SYT7: variants seen among roughly 807,000 people sequenced by gnomAD.
SYT7 encodes synaptotagmin 7, also known as synaptotagmin-7.
SYT7 carries 29 observed loss-of-function variants against 75.1 expected under a neutral mutation model. The ratio of observed to expected loss-of-function variants is 0.39; its 90% confidence interval spans 0.29 to 0.53. SYT7 has a LOEUF of 0.53. Ranked by LOEUF, SYT7 falls within the 20% of genes least tolerant of loss-of-function variation. SYT7 has a pLI of 0.77. For synonymous variants in SYT7, 376 were observed against 401.7 expected (o/e 0.94, Z 0.76); for missense variants, 693 against 953.2 (o/e 0.73, Z 3.59).
chr11:61,576,748 G>C lies in SYT7; in HGVS notation c.31+4042C>G, dbSNP rs1324232731. 1.3e-5 allele frequency among the ~76,000 whole-genome samples: 2 copies of C among 152,058 alleles called. No homozygotes were observed. The highest frequency in any genetic ancestry group is 6.5e-5 in the Admixed American group (1 of 15,270). ...ATGGGGGGACTCAGGAGGGGCAGGA[G>C]GGGGAGGGAACCATATACGGCTCCT... On this transcript the variant is annotated intron_variant, in intron 1 of 12. Transcript: ENST00000539008. This position sits in a 1 kb window ranked among gnomAD's most constrained non-coding sequence, Gnocchi z 4.1.
At chr11:61,566,648 G>A (rs2063776860) in intron 1 of SYT7, among the ~76,000 whole-genome samples, 1 of 152,208 alleles carries the variant, frequency 6.6e-6, no homozygotes, top group Non-Finnish European at 1.5e-5. Context: ...AGAATGGGGA[G>A]GGGGCTCTTC....
rs1590802544 is a variant in SYT7, at chr11:61,516,449, G to A, written c.*2178C>T. 2.0e-5 allele frequency: 3 copies of A among 152,316 alleles called. No individual in the cohort carries two copies. The highest frequency in any genetic ancestry group is 2.1e-4 in the South Asian group (1 of 4,824). The allele number at this position is 152,316 out of a possible 1,614,324, so 9.4% of individuals were successfully genotyped here. A position where few individuals can be genotyped will look rare whatever the true frequency, so the allele number is the denominator to read the frequency against. On this transcript the variant is annotated 3_prime_UTR_variant, in exon 13 of 13. Transcript: ENST00000539008. The surrounding 1 kb of genome is among the most constrained non-coding windows in gnomAD (Gnocchi z 4.6). Reference sequence around the variant, plus strand: ...CCGCCCACTCGATACAAGTTGGTTGGATCCCCAGGGCGAAGGCGCCTGGAA... The same window carrying A: ...CCGCCCACTCGATACAAGTTGGTTGAATCCCCAGGGCGAAGGCGCCTGGAA...
chr11:61,536,519 C>T (rs2062874941), intron 7 of SYT7, among the ~76,000 whole-genome samples: 1 of 152,188 alleles, frequency 6.6e-6, no homozygotes, highest in Non-Finnish European at 1.5e-5. Context: ...CCCTGCAGCC[C>T]AGCCTTGAGA....
chr11:61,521,593 T>C (rs1421548155), intron 12 of SYT7, among the ~76,000 whole-genome samples: 1 of 152,212 alleles, frequency 6.6e-6, no homozygotes, highest in Non-Finnish European at 1.5e-5. Context: ...TCTCCTCTTT[T>C]AGGCCAGGCT....
At chr11:61,538,017 C>A in intron 7 of SYT7, 127 bp downstream of exon 7, 1 of 1,384,132 alleles carries the variant, frequency 7.2e-7, no homozygotes, top group Non-Finnish European at 9.7e-7. Flanking sequence ...GGGGGCTTGT[C>A]CTTCCGCTCC....
In SYT7 at chr11:61,517,629, A is replaced by G; in HGVS notation, c.*998T>C. 1 of 398,828 alleles carries G rather than the reference A, an allele frequency of 2.5e-6. No individual in the cohort carries two copies. Among genetic ancestry groups the G allele is most frequent in the South Asian group, 1.3e-4 (1 of 7,884 alleles). The allele number at this position is 398,828 out of a possible 1,614,324, so 24.7% of individuals were successfully genotyped here. A position where few individuals can be genotyped will look rare whatever the true frequency, so the allele number is the denominator to read the frequency against. On this transcript the variant is annotated 3_prime_UTR_variant, in exon 13 of 13. Coordinates refer to ENST00000539008, the MANE Select transcript of SYT7 (RefSeq NM_001365809.2). ...AATAGGGCAGATGTGGCTGCGTATG[A>G]GGTGTGGGAAGCTGGCGGGGGGTCT...
chr11:61,567,614 C>T (rs1195428366), intron 1 of SYT7, among the ~76,000 whole-genome samples: 2 of 152,228 alleles, frequency 1.3e-5, no homozygotes, highest in African/African-American at 4.8e-5. Flanking sequence ...GCTGAAGACC[C>T]CAGTCCTGAC....
At chr11:61,550,982 G>T (rs2063331353) in intron 3 of SYT7, among the ~76,000 whole-genome samples, 1 of 152,186 alleles carries the variant, frequency 6.6e-6, no homozygotes, top group Non-Finnish European at 1.5e-5. Flanking sequence ...AAAAGAAGCT[G>T]GGGCCCACTA....
At chr11:61,578,749 C>A (rs567146962) in intron 1 of SYT7, among the ~76,000 whole-genome samples, 17 of 152,322 alleles carry the variant, frequency 1.1e-4, no homozygotes, top group African/African-American at 3.8e-4. Context: ...CCCTCTCCAG[C>A]CTATGTCTGA....
At chr11:61,555,316 C>T (rs377288794) in intron 2 of SYT7, among the ~76,000 whole-genome samples, 1,934 of 152,364 alleles carry the variant, frequency 0.013, 21 homozygotes, top group South Asian at 0.024. Flanking sequence ...CCCCTCGCCC[C>T]CTGCTGCCCC....
chr11:61,534,529 G>A (rs975601839), intron 7 of SYT7, among the ~76,000 whole-genome samples: 2 of 152,136 alleles, frequency 1.3e-5, no homozygotes, highest in African/African-American at 4.8e-5. Context: ...GAGGATGGCA[G>A]AGGCCACAGT....
intron 1 of SYT7, among the ~76,000 whole-genome samples, chr11:61,570,286 C>T (rs1312826333): frequency 6.6e-6 from 1 of 152,142 alleles, no homozygotes; most frequent in Non-Finnish European, 1.5e-5. Context: ...GATCAAAGCC[C>T]TCTGGAGTGT....
chr11:61,536,191 C>T (rs529804461), intron 7 of SYT7, among the ~76,000 whole-genome samples: 17 of 152,210 alleles, frequency 1.1e-4, no homozygotes, highest in East Asian at 5.8e-4. Context: ...CGAGGGCACG[C>T]GGCCTCCACC....
intron 2 of SYT7, among the ~76,000 whole-genome samples, chr11:61,555,201 C>T (rs760692264): frequency 5.3e-5 from 8 of 152,236 alleles, no homozygotes; most frequent in Non-Finnish European, 1.0e-4. Context: ...CTCCCACTCC[C>T]ACCATTCTCG....
intron 1 of SYT7, among the ~76,000 whole-genome samples, chr11:61,572,795 G>A (rs2063957724): frequency 6.6e-6 from 1 of 152,138 alleles, no homozygotes; most frequent in African/African-American, 2.4e-5. Context: ...CCTGGCGTCA[G>A]GGCCCTTGGC....
rs746148669 is a variant in SYT7, at chr11:61,542,310, T to G, written c.842A>C (p.Lys281Thr). 3.6e-5 allele frequency: 55 copies of G among 1,533,428 alleles called. No individual in the cohort carries two copies. The South Asian group carries it at 6.3e-4, about 18-fold the overall frequency. 95.0% of individuals were successfully genotyped at this position (1,533,428 alleles called of 1,614,324 possible). Reference sequence around the variant, plus strand: ...GCTGCGGCCCCCTGCCGCCCGGTACTTGGAGCCGGCCGAGGTGCCCTGCCG... The same window carrying G: ...GCTGCGGCCCCCTGCCGCCCGGTACGTGGAGCCGGCCGAGGTGCCCTGCCG... ...QARQGTSAGS[K>T]YRAAGGRSRS... Residue 281 changes from lysine (K) to threonine (T), a missense_variant, in exon 6 of 13, where the codon AAG becomes ACG. This residue lies in a region of SYT7 where 487 missense variants were observed against 593.2 expected (regional missense o/e 0.82). Transcript: ENST00000539008. This position sits in a 1 kb window ranked among gnomAD's most constrained non-coding sequence, Gnocchi z 7.8.
rs564796927 is a variant in SYT7, at chr11:61,573,072, A to G, written c.31+7718T>C. Among the ~76,000 whole-genome samples the G allele has an allele frequency of 3.5e-4, 51 of 143,872 alleles. 1 individual carries two copies. The highest frequency in any genetic ancestry group is 1.1e-3 in the African/African-American group (38 of 33,774). The allele number at this position is 143,872 out of a possible 152,430, so 94.4% of individuals were successfully genotyped here. On this transcript the variant is annotated intron_variant, in intron 1 of 12. Transcript: ENST00000539008. ...TGTGCCAGTGGCCGTGGGCATGGAGAGGGGGGGTGGCCCGTCTAGTTGCCA... is the reference window on the plus strand; with the variant it reads ...TGTGCCAGTGGCCGTGGGCATGGAGGGGGGGGGTGGCCCGTCTAGTTGCCA...
chr11:61,519,015 G>C (rs1007911039), intron 12 of SYT7, among the ~76,000 whole-genome samples: 1 of 152,218 alleles, frequency 6.6e-6, no homozygotes, highest in African/African-American at 2.4e-5. Context: ...GGTGGGGTTG[G>C]AGGCAGCTTG....
chr11:61,586,805 G>A, the SYT7 span, among the ~76,000 whole-genome samples: 4 of 152,060 alleles, frequency 2.6e-5, no homozygotes, highest in Non-Finnish European at 5.9e-5. Context: ...AGTTAGGGAG[G>A]TGGGTTGCTG....
Sources: allele counts gnomAD v4.1 joint callset (sites outside exome capture counted in the v4.1 genomes callset), GRCh38; gene constraint gnomAD v4.1.1; regional missense constraint gnomAD v4.1.1; non-coding constraint Gnocchi (gnomAD v3.1); transcripts MANE v1.5; gene names NCBI Gene and HGNC (gene_info 2026-07-23, HGNC 2026-07-21).